The following DDC variants were observed in gnomAD, a reference collection of about 807,000 sequenced individuals.
DDC encodes the protein dopa decarboxylase.
A neutral mutation model predicts 60.0 loss-of-function variants in DDC; 43 were observed. The ratio of observed to expected loss-of-function variants is 0.72; its 90% CI spans 0.56 to 0.92. The LOEUF is 0.92. Among genes scored for constraint, DDC ranks in the 40% least tolerant of loss-of-function variants. The pLI is 0.00. For missense variants in DDC, 573 were observed against 620.2 expected, an observed-to-expected ratio of 0.92 and a Z score of 0.81; for synonymous variants, 232 against 234.6, an observed-to-expected ratio of 0.99 and a Z score of 0.10.
At chr7:50,527,040 T>C (rs10228056) in intron 6 of DDC, among the ~76,000 whole-genome samples, 139,693 of 152,152 alleles carry the variant, frequency 0.92, 64,507 homozygotes, top group Non-Finnish European at 0.98. Context: ...ATACCTCTCT[T>C]GGCAACTAAT....
intron 6 of DDC, among the ~76,000 whole-genome samples, chr7:50,522,640 A>T (rs2043926853): frequency 6.6e-6 from 1 of 152,254 alleles, no homozygotes; most frequent in African/African-American, 2.4e-5. Context: ...GAACAAAAGC[A>T]ATTCAATGGA....
At chr7:50,557,524 C>A (rs1267248127) in intron 1 of DDC, among the ~76,000 whole-genome samples, 2 of 152,104 alleles carry the variant, frequency 1.3e-5, no homozygotes, top group African/African-American at 2.4e-5. Flanking sequence ...ACTGGGGATC[C>A]TTTTTTCACT....
chr7:50,462,766 T>C (rs1436019277), intron 14 of DDC, among the ~76,000 whole-genome samples: 1 of 135,288 alleles, frequency 7.4e-6, no homozygotes, highest in Non-Finnish European at 1.5e-5. Flanking sequence ...TCTCTTCTTC[T>C]TGTTTTTTTT....
At chr7:50,469,706 C>A (rs866600366) in intron 12 of DDC, among the ~76,000 whole-genome samples, 1 of 152,302 alleles carries the variant, frequency 6.6e-6, no homozygotes, top group Middle Eastern at 3.4e-3. Context: ...AGGCCAGGTG[C>A]AGTGGCTCAC....
At chr7:50,523,738 C>T (rs2043962250) in intron 6 of DDC, among the ~76,000 whole-genome samples, 2 of 152,174 alleles carry the variant, frequency 1.3e-5, no homozygotes, top group Admixed American at 1.3e-4. Context: ...ATGGTACAGT[C>T]TCTTTGAAAC....
At chr7:50,480,128 T>A (rs1010002925) in intron 9 of DDC, among the ~76,000 whole-genome samples, 1 of 152,238 alleles carries the variant, frequency 6.6e-6, no homozygotes, top group Non-Finnish European at 1.5e-5. Flanking sequence ...TCATTTTGCA[T>A]GTTAATAAGA....
intron 12 of DDC, among the ~76,000 whole-genome samples, chr7:50,468,931 A>ATTT (rs36005269): frequency 3.5e-5 from 3 of 86,162 alleles, no homozygotes; most frequent in Non-Finnish European, 4.6e-5. Flanking sequence ...CAGTTTCCTC[A>ATTT]TTTTTTTTTT....
chr7:50,472,693 C>T, intron 11 of DDC, among the ~76,000 whole-genome samples: 1 of 152,194 alleles, frequency 6.6e-6, no homozygotes, highest in East Asian at 1.9e-4. Flanking sequence ...TGTCTTACAT[C>T]TTCAGTGTGC....
intron 1 of DDC, among the ~76,000 whole-genome samples, chr7:50,552,432 G>A (rs1227773808): frequency 1.4e-4 from 21 of 152,108 alleles, no homozygotes; most frequent in Admixed American, 1.4e-3. Flanking sequence ...CAGCCCCTGT[G>A]GTGCATTGCC....
chr7:50,532,715 T>C (rs998112379), intron 4 of DDC, among the ~76,000 whole-genome samples: 2 of 152,230 alleles, frequency 1.3e-5, no homozygotes, highest in Non-Finnish European at 2.9e-5. Context: ...CTTATTATAA[T>C]AGACACAGCT....
rs1403559025 is a variant in DDC, at chr7:50,461,952, C to A, written c.*18+1261G>T. Reference sequence around the variant, plus strand: ...AAGGTAGCCCTTTGGCTTCAACTTTCAGGAGCCATGGACAGGTCTATCACA... The same window carrying A: ...AAGGTAGCCCTTTGGCTTCAACTTTAAGGAGCCATGGACAGGTCTATCACA... On this transcript the variant is annotated intron_variant, in intron 14 of 14. Transcript: ENST00000444124. 2.0e-5 allele frequency among the ~76,000 whole-genome samples: 3 copies of A among 152,188 alleles called. No homozygotes were observed. In the South Asian group the frequency reaches 6.2e-4, roughly 31 times the overall value.
At chr7:50,459,486 G>A (rs968734013) in intron 14 of DDC, among the ~76,000 whole-genome samples, 1 of 151,000 alleles carries the variant, frequency 6.6e-6, no homozygotes, top group Non-Finnish European at 1.5e-5. Context: ...GTCTCTGCCC[G>A]GCCGCCATCC....
intron 7 of DDC, among the ~76,000 whole-genome samples, chr7:50,501,285 C>T (rs2043250459): frequency 1.3e-5 from 2 of 152,226 alleles, no homozygotes; most frequent in Admixed American, 1.3e-4. Flanking sequence ...CTGCCCTGTG[C>T]TATTCCCTTC....
At chr7:50,491,479 G>T (rs548454940) in intron 9 of DDC, among the ~76,000 whole-genome samples, 1 of 152,098 alleles carries the variant, frequency 6.6e-6, no homozygotes, top group African/African-American at 2.4e-5. Context: ...GACTAGAGAC[G>T]CATTTTCTTC....
At chr7:50,492,964 C>T (rs1477683636) in intron 9 of DDC, 1 of 1,598,350 alleles carries the variant, frequency 6.3e-7, no homozygotes, top group East Asian at 2.2e-5. Context: ...ACTGACTAAG[C>T]AGGTTTTCTT....
chr7:50,467,027 C>T (rs1179913143), intron 13 of DDC, among the ~76,000 whole-genome samples, 187 bp downstream of exon 13: 3 of 152,238 alleles, frequency 2.0e-5, no homozygotes, highest in Non-Finnish European at 4.4e-5. Context: ...GAAGCGGGAA[C>T]AGCCGCTGTG....
intron 2 of DDC, chr7:50,542,914 C>T (rs1410737541): frequency 6.6e-6 from 1 of 152,220 alleles, no homozygotes; most frequent in African/African-American, 2.4e-5. Context: ...TGGACTGTAA[C>T]CTTGTCTGAC....
At chr7:50,476,095 C>T (rs2042637833) in intron 11 of DDC, among the ~76,000 whole-genome samples, 1 of 152,220 alleles carries the variant, frequency 6.6e-6, no homozygotes, top group Non-Finnish European at 1.5e-5. Context: ...ATAAGCTTCG[C>T]AGTACTGCCT....
rs758112394 is a variant in DDC at position 50,537,990 on chromosome 7, G to A, written c.316-11C>T. 1 of 1,614,184 alleles carries A rather than the reference G, an allele frequency of 6.2e-7. No homozygotes were observed. The highest frequency in any genetic ancestry group is 8.5e-7 in the Non-Finnish European group (1 of 1,180,022). On this transcript the variant is annotated splice_polypyrimidine_tract_variant and intron_variant, in intron 3 of 14. Coordinates refer to ENST00000444124, the MANE Select transcript of DDC (RefSeq NM_001082971.2). ...TGCTGGGCTTGCCGCCTGTCGTGGG[G>A]GAAGGGAAGGGATTAACCGAGGGCC...
Sources: gnomAD v4.1 joint callset for allele counts (sites outside exome capture counted in the v4.1 genomes callset) on GRCh38, gnomAD v4.1.1 for gene constraint, MANE v1.5 for transcripts, NCBI Gene and HGNC (gene_info 2026-07-23, HGNC 2026-07-21) for gene names.